CHST9: variants seen among roughly 807,000 people sequenced by gnomAD.
CHST9 encodes GalNAc-4-sulfotransferase 2.
A neutral mutation model predicts 44.4 loss-of-function variants in CHST9; 41 were observed. The observed-to-expected ratio is 0.92, with a 90% CI of 0.72 to 1.20. The LOEUF (loss-of-function observed/expected upper bound fraction) is 1.20, where lower values mean the gene tolerates loss of function less well. CHST9 is among the 50% of genes most tolerant of loss of function. The pLI, the probability that CHST9 is intolerant of heterozygous loss-of-function variation, is 0.00. For missense variants in CHST9, 504 were observed against 516.5 expected, an observed-to-expected ratio of 0.98 and a Z score of 0.23; for synonymous variants, 171 against 178.4, an observed-to-expected ratio of 0.96 and a Z score of 0.33.
chr18:26,940,780 A>G lies in CHST9; in HGVS notation c.240+3549T>C, dbSNP rs964988310. Among the ~76,000 whole-genome samples, 11 of 152,186 alleles carry G rather than the reference A, an allele frequency of 7.2e-5. No individual in the cohort carries two copies. The East Asian group carries it at 2.1e-3, about 29-fold the overall frequency. ...ATATGTTGAAGTCCTAACTCCTAGT[A>G]CCTAAGAATACAACCTTGTTTGATA... On this transcript the variant is annotated intron_variant, in intron 5 of 5. Transcript: ENST00000618847.
intron 5 of CHST9, among the ~76,000 whole-genome samples, chr18:26,924,259 A>G (rs1435447709): frequency 2.6e-5 from 4 of 152,210 alleles, no homozygotes; most frequent in Non-Finnish European, 5.9e-5. Flanking sequence ...GAAACTGCTC[A>G]GATTCGAAGC....
rs2145114067 is a variant in CHST9 at position 26,942,793 on chromosome 18, A to T, written c.240+1536T>A. On this transcript the variant is annotated intron_variant, in intron 5 of 5. Transcript: ENST00000618847. Reference sequence around the variant, plus strand: ...GCCTCACCAAACCACTTGAGCACATACAAATAATTTTAAATGAAGTAATAA... The same window carrying T: ...GCCTCACCAAACCACTTGAGCACATTCAAATAATTTTAAATGAAGTAATAA... Among the ~76,000 whole-genome samples, 3 of 152,328 alleles carry T rather than the reference A, an allele frequency of 2.0e-5. 1 individual carries two copies. In the South Asian group the frequency reaches 6.2e-4, roughly 32 times the overall value.
At chr18:27,014,756 A>G (rs2057130696) in intron 4 of CHST9, among the ~76,000 whole-genome samples, 1 of 151,926 alleles carries the variant, frequency 6.6e-6, no homozygotes, top group African/African-American at 2.4e-5. Context: ...AAAAGGGGGA[A>G]TTTTTCTGGT....
At chr18:27,058,518 A>G (rs2057684485) in intron 2 of CHST9, among the ~76,000 whole-genome samples, 1 of 152,184 alleles carries the variant, frequency 6.6e-6, no homozygotes, top group Non-Finnish European at 1.5e-5. Flanking sequence ...CTTGAGCATC[A>G]GGCAGCTTCT....
intron 2 of CHST9, among the ~76,000 whole-genome samples, chr18:27,058,809 A>T (rs2057688210): frequency 6.6e-6 from 1 of 152,174 alleles, no homozygotes; most frequent in African/African-American, 2.4e-5. Context: ...GACTTTTCCC[A>T]AATCCCTAAG....
chr18:27,184,921 C>T (rs775704939), intron 1 of CHST9, among the ~76,000 whole-genome samples: 81 of 152,218 alleles, frequency 5.3e-4, no homozygotes, highest in Non-Finnish European at 9.7e-4. Context: ...GCCATGCGTC[C>T]ACTGAAGTGA....
intron 1 of CHST9, among the ~76,000 whole-genome samples, chr18:27,174,979 G>C (rs1487989525): frequency 6.6e-6 from 1 of 152,012 alleles, no homozygotes; most frequent in African/African-American, 2.4e-5. Context: ...AATAAAAACA[G>C]TGCTAACCCA....
At chr18:26,977,968 C>T (rs912787086) in intron 4 of CHST9, among the ~76,000 whole-genome samples, 1 of 151,926 alleles carries the variant, frequency 6.6e-6, no homozygotes, top group Non-Finnish European at 1.5e-5. Flanking sequence ...CTCTTATGTT[C>T]ATCAGTGAAT....
chr18:26,933,077 A>C (rs1332627260), intron 5 of CHST9: 1 of 153,656 alleles, frequency 6.5e-6, no homozygotes, highest in Non-Finnish European at 1.5e-5. Flanking sequence ...ACCTGGAGGA[A>C]TCTACACGTG....
intron 2 of CHST9, among the ~76,000 whole-genome samples, chr18:27,075,551 G>A (rs118174542): frequency 0.013 from 1,945 of 152,232 alleles, 27 homozygotes; most frequent in South Asian, 0.03. Context: ...ACTTGTAGGT[G>A]GAATTCATGT....
rs1461232374 is a variant in CHST9, at chr18:26,914,712, C to T, written c.*1547G>A. The T allele has an allele frequency of 2.6e-6, 1 of 383,572 alleles. No individual in the cohort carries two copies. The highest frequency in any genetic ancestry group is 4.6e-6 in the Non-Finnish European group (1 of 216,752). The allele number at this position is 383,572 out of a possible 1,614,324, so 23.8% of individuals were successfully genotyped here. A position where few individuals can be genotyped will look rare whatever the true frequency, so the allele number is the denominator to read the frequency against. ...GCGAAGCAATTCATGAATACTCAGC[C>T]ATGAAATAGAAAATCAAAATGAAAT... On this transcript the variant is annotated 3_prime_UTR_variant, in exon 6 of 6. Coordinates refer to ENST00000618847, the MANE Select transcript of CHST9 (RefSeq NM_031422.6).
intron 4 of CHST9, among the ~76,000 whole-genome samples, chr18:26,960,375 G>T (rs1046973292): frequency 1.3e-5 from 2 of 152,190 alleles, no homozygotes; most frequent in African/African-American, 2.4e-5. Context: ...AATAAGAAGA[G>T]ACTCCTTCTC....
intron 2 of CHST9, among the ~76,000 whole-genome samples, chr18:27,124,633 G>C (rs12958230): frequency 6.6e-6 from 1 of 151,912 alleles, no homozygotes; most frequent in South Asian, 2.1e-4. Flanking sequence ...ACAGCATCCT[G>C]CTTTTTGGAT....
At chr18:26,950,530 A>G (rs553937247) in intron 4 of CHST9, among the ~76,000 whole-genome samples, 12 of 152,360 alleles carry the variant, frequency 7.9e-5, no homozygotes, top group Non-Finnish European at 1.6e-4. Context: ...ACCGTGGAAT[A>G]CTACTCAGCC....
At chr18:27,161,668 A>T (rs2058748272) in intron 1 of CHST9, among the ~76,000 whole-genome samples, 1 of 150,410 alleles carries the variant, frequency 6.6e-6, no homozygotes, top group African/African-American at 2.5e-5. Context: ...GATATCCTTA[A>T]CTTTCTGTCT....
rs9946873 is a variant in CHST9 at position 27,055,122 on chromosome 18, G to A, written c.122-6619C>T. On this transcript the variant is annotated intron_variant, in intron 2 of 5. Coordinates refer to ENST00000618847, the MANE Select transcript of CHST9 (RefSeq NM_031422.6). Reference sequence around the variant, plus strand: ...GAGGTATTATTAATCACATCCTGTTGCTAGGATACCTGAGAATGTTCATTT... The same window carrying A: ...GAGGTATTATTAATCACATCCTGTTACTAGGATACCTGAGAATGTTCATTT... 4.6e-3 allele frequency among the ~76,000 whole-genome samples: 702 copies of A among 152,130 alleles called. 6 individuals are homozygous for A. Among genetic ancestry groups the A allele is most frequent in the African/African-American group, 0.016 (677 of 41,476 alleles).
intron 5 of CHST9, among the ~76,000 whole-genome samples, chr18:26,943,550 T>C (rs1327173084): frequency 6.6e-6 from 1 of 152,212 alleles, no homozygotes; most frequent in Non-Finnish European, 1.5e-5. Context: ...GATATGGAAA[T>C]GTGTACCTAT....
intron 4 of CHST9, among the ~76,000 whole-genome samples, chr18:26,963,665 G>A (rs1173699097): frequency 4.0e-5 from 6 of 151,896 alleles, no homozygotes; most frequent in Admixed American, 1.3e-4. Context: ...AAAGTAGAAT[G>A]TAGTGAGTAA....
At chr18:27,046,627 AG>A (rs554781138) in intron 3 of CHST9, among the ~76,000 whole-genome samples, 1,583 of 152,178 alleles carry the variant, frequency 0.01, 33 homozygotes, top group African/African-American at 0.037. Flanking sequence ...TATCTAAAGA[AG>A]TCTACATTCA....
Sources: gnomAD v4.1 joint callset for allele counts (sites outside exome capture counted in the v4.1 genomes callset) on GRCh38, gnomAD v4.1.1 for gene constraint, MANE v1.5 for transcripts, NCBI Gene and HGNC (gene_info 2026-07-23, HGNC 2026-07-21) for gene names.